Variants in CGNL1 observed in about 807,000 individuals in gnomAD.
The protein encoded by CGNL1 is cingulin-like protein 1.
A neutral mutation model predicts 141.2 loss-of-function variants in CGNL1; 132 were observed. The ratio of observed to expected loss-of-function variants is 0.93; its 90% CI spans 0.81 to 1.08. The LOEUF is 1.08. Ranked by LOEUF, CGNL1 falls within the 50% of genes least tolerant of loss-of-function variation. The probability of loss-of-function intolerance (pLI) is 0.00; values close to 1 mark genes in which losing one functional copy is unlikely to be tolerated. For missense variants in CGNL1, 1,870 were observed against 1,588.6 expected (o/e 1.18, Z -3.01); for synonymous variants, 690 against 622.1 (o/e 1.11, Z -1.63).
intron 1 of CGNL1, among the ~76,000 whole-genome samples, chr15:57,390,904 G>A (rs1330735987): frequency 1.3e-5 from 2 of 152,002 alleles, no homozygotes; most frequent in Admixed American, 6.6e-5. Flanking sequence ...AGGGCAAAGA[G>A]GACAAAGAAG....
chr15:57,479,255 G>C (rs545909131), intron 8 of CGNL1, among the ~76,000 whole-genome samples: 149 of 152,322 alleles, frequency 9.8e-4, no homozygotes, highest in Non-Finnish European at 1.8e-3. Flanking sequence ...TGGAGGATGG[G>C]AGTGAAAAAC....
intron 8 of CGNL1, among the ~76,000 whole-genome samples, chr15:57,473,896 CTTCTTTT>C (rs1431418036): frequency 1.8e-5 from 2 of 110,082 alleles, no homozygotes; most frequent in African/African-American, 6.8e-5. Flanking sequence ...TCTTCTTCTT[CTTCTTTT>C]TTTTTTTTTT....
intron 10 of CGNL1, among the ~76,000 whole-genome samples, chr15:57,518,883 C>T (rs1433300840): frequency 6.6e-6 from 1 of 152,206 alleles, no homozygotes; most frequent in African/African-American, 2.4e-5. Flanking sequence ...TGACAGCTTT[C>T]CAAAGATAAA....
intron 8 of CGNL1, among the ~76,000 whole-genome samples, chr15:57,513,515 AAT>A (rs769104810): frequency 6.6e-6 from 1 of 151,906 alleles, no homozygotes; most frequent in Non-Finnish European, 1.5e-5. Context: ...TTTTTCTGTG[AAT>A]ATATGTTTTT....
chr15:57,545,587 T>C lies in CGNL1; in HGVS notation c.3501-5T>C. 1 of 1,611,778 alleles carries C rather than the reference T, an allele frequency of 6.2e-7. No individual in the cohort carries two copies. Among genetic ancestry groups the C allele is most frequent in the Non-Finnish European group, 8.5e-7 (1 of 1,179,332 alleles). On this transcript the variant is annotated splice_region_variant and splice_polypyrimidine_tract_variant and intron_variant, in intron 16 of 18. Coordinates refer to ENST00000281282, the MANE Select transcript of CGNL1 (RefSeq NM_032866.5). Reference sequence around the variant, plus strand: ...GGGTTCTTGGTTCTGTCTCCCCTCTTCCAGGGATCGGGCCAATCTTCAGCT... The same window carrying C: ...GGGTTCTTGGTTCTGTCTCCCCTCTCCCAGGGATCGGGCCAATCTTCAGCT...
intron 1 of CGNL1, among the ~76,000 whole-genome samples, chr15:57,426,708 C>T (rs1328402245): frequency 6.6e-6 from 1 of 151,620 alleles, no homozygotes; most frequent in Non-Finnish European, 1.5e-5. Context: ...ATCCGCCTGC[C>T]TCAGCCTCCC....
intron 8 of CGNL1, among the ~76,000 whole-genome samples, chr15:57,484,388 T>G (rs1431691923): frequency 2.6e-5 from 4 of 152,310 alleles, no homozygotes; most frequent in African/African-American, 7.2e-5. Context: ...AGATGTGTGT[T>G]GAGTTGTTTA....
At chr15:57,382,031 T>C (rs546625792) in intron 1 of CGNL1, among the ~76,000 whole-genome samples, 1 of 152,326 alleles carries the variant, frequency 6.6e-6, no homozygotes, top group African/African-American at 2.4e-5. Flanking sequence ...TTTCTGTAGA[T>C]AATTGGTTGT....
chr15:57,466,519 T>G (rs2063513180), intron 8 of CGNL1, among the ~76,000 whole-genome samples: 1 of 152,236 alleles, frequency 6.6e-6, no homozygotes, highest in African/African-American at 2.4e-5. Flanking sequence ...CGCTGCCTTT[T>G]GGACCTTACA....
In CGNL1 at chr15:57,547,773, CA is replaced by C. The variant is rs2032946285; in HGVS notation, c.*284del. The C allele has an allele frequency of 5.3e-6, 2 of 379,966 alleles. No individual in the cohort carries two copies. Among genetic ancestry groups the C allele is most frequent in the Middle Eastern group, 6.7e-4 (1 of 1,492 alleles). 23.5% of individuals were successfully genotyped at this position (379,966 alleles called of 1,614,324 possible). A position where few individuals can be genotyped will look rare whatever the true frequency, so the allele number is the denominator to read the frequency against. On this transcript the variant is annotated 3_prime_UTR_variant, in exon 19 of 19. Transcript: ENST00000281282. ...TTGGTAGGCTGAGGCCCCTGTTCCACAGCCACTATTTGCATTGCTGTCCCTG... is the reference window on the plus strand; with the variant it reads ...TTGGTAGGCTGAGGCCCCTGTTCCACGCCACTATTTGCATTGCTGTCCCTG...
chr15:57,508,326 A>G (rs2029906808), intron 8 of CGNL1, among the ~76,000 whole-genome samples: 1 of 152,028 alleles, frequency 6.6e-6, no homozygotes, highest in Admixed American at 6.6e-5. Context: ...GGAAATTCTG[A>G]TGTTCTTCTT....
intron 8 of CGNL1, among the ~76,000 whole-genome samples, chr15:57,477,844 G>A (rs1182231174): frequency 6.6e-6 from 1 of 152,122 alleles, no homozygotes; most frequent in Non-Finnish European, 1.5e-5. Context: ...AGAAGCAGAT[G>A]CCTGTGCTGT....
In CGNL1 at chr15:57,427,991, C is replaced by T. The variant is rs138493886; in HGVS notation, c.-15-9994C>T. On this transcript the variant is annotated intron_variant, in intron 1 of 18. Coordinates refer to ENST00000281282, the MANE Select transcript of CGNL1 (RefSeq NM_032866.5). The stretch of plus-strand genomic sequence containing the variant: ...CCTTGACTTTTTTTTTTTTCTTTTA[C>T]ATTGTTCACATTTTAAAACAAAGTT... 7.0e-3 allele frequency among the ~76,000 whole-genome samples: 1,059 copies of T among 151,408 alleles called. 14 individuals carry two copies. Among genetic ancestry groups the T allele is most frequent in the Non-Finnish European group, 0.012 (808 of 67,846 alleles).
In CGNL1 at chr15:57,518,443, A is replaced by G. The variant is rs1595789263; in HGVS notation, c.2661A>G (p.Glu887=). 1 of 1,613,374 alleles carries G rather than the reference A, an allele frequency of 6.2e-7. No homozygotes were observed. Among genetic ancestry groups the G allele is most frequent in the South Asian group, 1.1e-5 (1 of 90,794 alleles). ...EEALVHARKE[E]KEAVSARRAL... is the part of the protein sequence containing the mutation. ...CCCTTGTGCACGCCAGAAAGGAAGA[A>G]AAAGAAGCTGTGTCAGCCAGAAGGG... The change falls in exon 10 of 19, where the codon GAA becomes GAG. Residue 887 remains glutamate, a synonymous_variant. Coordinates refer to ENST00000281282, the MANE Select transcript of CGNL1 (RefSeq NM_032866.5).
chr15:57,409,514 T>C (rs1664440), intron 1 of CGNL1, among the ~76,000 whole-genome samples: 80,371 of 152,006 alleles, frequency 0.53, 21,522 homozygotes, highest in African/African-American at 0.58. Flanking sequence ...TGTAATCCAA[T>C]AGAGATATGC....
intron 7 of CGNL1, among the ~76,000 whole-genome samples, chr15:57,460,840 G>A (rs1567132537): frequency 6.6e-6 from 1 of 152,158 alleles, no homozygotes; most frequent in Non-Finnish European, 1.5e-5. Flanking sequence ...CTGATGGAGT[G>A]AAGACTGGGA....
At chr15:57,414,959 T>C (rs1253397880) in intron 1 of CGNL1, among the ~76,000 whole-genome samples, 7 of 152,126 alleles carry the variant, frequency 4.6e-5, no homozygotes, top group African/African-American at 1.7e-4. Flanking sequence ...ATTCCACCAC[T>C]TAGTGGGTTG....
At chr15:57,507,090 C>G (rs1342789281) in intron 8 of CGNL1, among the ~76,000 whole-genome samples, 1 of 152,182 alleles carries the variant, frequency 6.6e-6, no homozygotes. Context: ...CCCCCTTTCC[C>G]TCATCCTTTG....
chr15:57,488,058 C>T (rs1479518859), intron 8 of CGNL1, among the ~76,000 whole-genome samples: 1 of 152,208 alleles, frequency 6.6e-6, no homozygotes, highest in Non-Finnish European at 1.5e-5. Context: ...TCCTCTCCCA[C>T]ACTTGTTATT....
Sources: gnomAD v4.1 joint callset for allele counts (sites outside exome capture counted in the v4.1 genomes callset) on GRCh38, gnomAD v4.1.1 for gene constraint, MANE v1.5 for transcripts, NCBI Gene and HGNC (gene_info 2026-07-23, HGNC 2026-07-21) for gene names.